Variants in EAF2 observed in about 807,000 individuals in gnomAD.
EAF2 encodes ELL associated factor 2.
A neutral mutation model predicts 29.4 loss-of-function variants in EAF2; 29 were observed. The observed-to-expected ratio is 0.99, with a 90% CI of 0.73 to 1.35. EAF2 has a LOEUF of 1.35. Among genes scored for constraint, EAF2 ranks in the 40% most tolerant of loss-of-function variants. EAF2 has a pLI of 0.00. For missense variants in EAF2, 292 were observed against 312.0 expected, an observed-to-expected ratio of 0.94 and a Z score of 0.48; for synonymous variants, 103 against 102.5, an observed-to-expected ratio of 1.00 and a Z score of -0.03.
intron 1 of EAF2, among the ~76,000 whole-genome samples, chr3:121,838,404 A>T (rs1920321): frequency 0.64 from 97,924 of 152,044 alleles, 32,015 homozygotes; most frequent in African/African-American, 0.71. Flanking sequence ...TATGAGATTA[A>T]TCAGCAAATT....
At chr3:121,859,349 G>A (rs1708782998) in intron 4 of EAF2, among the ~76,000 whole-genome samples, 2 of 151,988 alleles carry the variant, frequency 1.3e-5, no homozygotes, top group South Asian at 4.2e-4. Context: ...ATTTTTTTGA[G>A]CAGTGGTTTG....
intron 4 of EAF2, among the ~76,000 whole-genome samples, chr3:121,868,890 A>T (rs9869891): frequency 0.15 from 22,190 of 152,230 alleles, 2,015 homozygotes; most frequent in African/African-American, 0.25. Flanking sequence ...ACAGATATGT[A>T]ACATGCCACA....
intron 4 of EAF2, among the ~76,000 whole-genome samples, chr3:121,868,195 T>G (rs1016355614): frequency 1.3e-5 from 2 of 152,216 alleles, no homozygotes; most frequent in African/African-American, 4.8e-5. Context: ...TATAAGAAAT[T>G]AATGAAATAT....
At chr3:121,838,507 G>C (rs188055369) in intron 1 of EAF2, among the ~76,000 whole-genome samples, 24 of 152,242 alleles carry the variant, frequency 1.6e-4, no homozygotes, top group Admixed American at 1.2e-3. Flanking sequence ...TTGATATAAT[G>C]GGTAATAAAG....
chr3:121,866,004 A>G (rs890007241), intron 4 of EAF2, among the ~76,000 whole-genome samples: 10 of 152,180 alleles, frequency 6.6e-5, no homozygotes, highest in African/African-American at 2.4e-4. Context: ...GATCGCACCA[A>G]TAAAGGGGAT....
At chr3:121,882,034 T>A (rs1029909916) in intron 5 of EAF2, among the ~76,000 whole-genome samples, 3 of 152,068 alleles carry the variant, frequency 2.0e-5, no homozygotes, top group Admixed American at 2.0e-4. Context: ...TTGACAAAAT[T>A]CAGTATTTAT....
intron 4 of EAF2, among the ~76,000 whole-genome samples, chr3:121,871,169 TATATAATATA>T (rs575947641): frequency 3.3e-5 from 5 of 151,354 alleles, no homozygotes; most frequent in African/African-American, 9.7e-5. Flanking sequence ...GTGGTATATT[TATATAATATA>T]ATATAATATA....
chr3:121,838,996 G>A (rs954986726), intron 1 of EAF2, among the ~76,000 whole-genome samples: 3 of 152,044 alleles, frequency 2.0e-5, no homozygotes, highest in African/African-American at 4.8e-5. Flanking sequence ...TAAAAGGTGG[G>A]CAAAATGTTC....
At chr3:121,872,008 T>A (rs932638601) in intron 4 of EAF2, among the ~76,000 whole-genome samples, 3 of 151,884 alleles carry the variant, frequency 2.0e-5, no homozygotes, top group African/African-American at 7.2e-5. Flanking sequence ...ACAGAAATAT[T>A]TATAGCCAAA....
intron 1 of EAF2, among the ~76,000 whole-genome samples, chr3:121,840,515 A>AAAAAAAAAAAAAAAAAAAAAAAAAAAC (rs1167466790): frequency 1.0e-5 from 1 of 97,892 alleles, no homozygotes; most frequent in African/African-American, 4.0e-5. Context: ...AAAAGAAAAA[A>AAAAAAAAAAAAAAAAAAAAAAAAAAAC]AAAAAACGGG....
intron 4 of EAF2, among the ~76,000 whole-genome samples, chr3:121,861,201 C>T (rs544852780): frequency 1.7e-4 from 26 of 152,278 alleles, no homozygotes; most frequent in African/African-American, 6.0e-4. Context: ...TGGTGCAGAG[C>T]TGAGTTCATG....
intron 1 of EAF2, among the ~76,000 whole-genome samples, chr3:121,841,991 G>A: frequency 6.6e-6 from 1 of 151,826 alleles, no homozygotes; most frequent in East Asian, 1.9e-4. Context: ...AGGCGACAGA[G>A]AGACTCCGTC....
At chr3:121,866,196 G>A (rs1708923559) in intron 4 of EAF2, among the ~76,000 whole-genome samples, 2 of 152,040 alleles carry the variant, frequency 1.3e-5, no homozygotes, top group Non-Finnish European at 2.9e-5. Flanking sequence ...TTTCCTTCAC[G>A]TGGCACCAGC....
At chr3:121,849,200 C>A (rs988785649) in intron 2 of EAF2, among the ~76,000 whole-genome samples, 1 of 152,036 alleles carries the variant, frequency 6.6e-6, no homozygotes, top group Non-Finnish European at 1.5e-5. Context: ...GCCTAGGAAG[C>A]TTAGAGTCAG....
At chr3:121,842,383 A>C (rs533812347) in intron 1 of EAF2, among the ~76,000 whole-genome samples, 1 of 152,258 alleles carries the variant, frequency 6.6e-6, no homozygotes, top group East Asian at 1.9e-4. Context: ...GCCCAAACTA[A>C]AGTTTTTTTC....
rs1319389431 is a variant in EAF2, at chr3:121,860,531, G to A, written c.484+3375G>A. Among the ~76,000 whole-genome samples, 4 of 152,104 alleles carry A rather than the reference G, an allele frequency of 2.6e-5. No homozygotes were observed. In the South Asian group the frequency reaches 8.3e-4, roughly 32 times the overall value. ...AGTGGTGCTATCCCGTTTATCATTT[G>A]TTATTGTATCTATTTGATTCTTCTC... On this transcript the variant is annotated intron_variant, in intron 4 of 5. Coordinates refer to ENST00000273668, the MANE Select transcript of EAF2 (RefSeq NM_018456.6).
intron 4 of EAF2, among the ~76,000 whole-genome samples, chr3:121,857,429 T>C (rs775216379): frequency 1.3e-5 from 2 of 151,626 alleles, no homozygotes; most frequent in Non-Finnish European, 2.9e-5. Flanking sequence ...GAGGCAGAGG[T>C]TGCAGTGAGC....
chr3:121,852,991 AT>A (rs562416856), intron 2 of EAF2, among the ~76,000 whole-genome samples: 238 of 152,296 alleles, frequency 1.6e-3, no homozygotes, highest in Non-Finnish European at 2.9e-3. Context: ...ATTAGTAATG[AT>A]CTAGGTTTCT....
intron 5 of EAF2, among the ~76,000 whole-genome samples, chr3:121,878,162 A>G (rs1411869270): frequency 6.6e-6 from 1 of 152,174 alleles, no homozygotes; most frequent in Non-Finnish European, 1.5e-5. Flanking sequence ...AACAAAATAG[A>G]CCAATAGAAT....
Sources: allele counts gnomAD v4.1 joint callset (sites outside exome capture counted in the v4.1 genomes callset), GRCh38; gene constraint gnomAD v4.1.1; transcripts MANE v1.5; gene names NCBI Gene and HGNC (gene_info 2026-07-23, HGNC 2026-07-21).